FMN1: variants seen among roughly 807,000 people sequenced by gnomAD.
FMN1 encodes the protein formin-1.
In FMN1, 110 loss-of-function variants were observed where a neutral mutation model predicts 132.4. The observed-to-expected ratio is 0.83, with a 90% CI of 0.71 to 0.97. The LOEUF (loss-of-function observed/expected upper bound fraction) is 0.97. Ranked by LOEUF, FMN1 falls within the 50% of genes least tolerant of loss-of-function variation. FMN1 has a pLI of 0.00. For missense variants in FMN1, 1,792 were observed against 1,705.3 expected (o/e 1.05, Z -0.90); for synonymous variants, 722 against 651.7 (o/e 1.11, Z -1.64).
At chr15:32,803,541 G>A (rs971908612) in intron 18 of FMN1, among the ~76,000 whole-genome samples, 2 of 152,146 alleles carry the variant, frequency 1.3e-5, no homozygotes, top group African/African-American at 4.8e-5. Context: ...GATCTCTGAG[G>A]TGTTCCCCAA....
chr15:33,146,616 G>T (rs948022194), intron 4 of FMN1, among the ~76,000 whole-genome samples: 1 of 152,170 alleles, frequency 6.6e-6, no homozygotes, highest in Non-Finnish European at 1.5e-5. Context: ...CATGATAGGA[G>T]GCTGAGCTGC....
At chr15:32,780,466 G>A (rs185406180) in intron 19 of FMN1, among the ~76,000 whole-genome samples, 2 of 152,290 alleles carry the variant, frequency 1.3e-5, no homozygotes, top group East Asian at 3.9e-4. Flanking sequence ...AAAAAAGGGA[G>A]GCATGAATAA....
intron 4 of FMN1, among the ~76,000 whole-genome samples, chr15:33,138,132 G>C (rs1963851574): frequency 6.6e-6 from 1 of 152,172 alleles, no homozygotes; most frequent in Non-Finnish European, 1.5e-5. Context: ...AAGCACAACT[G>C]CCTGCTATGA....
intron 6 of FMN1, among the ~76,000 whole-genome samples, chr15:33,053,939 T>G (rs2037097925): frequency 6.6e-6 from 1 of 152,218 alleles, no homozygotes; most frequent in Non-Finnish European, 1.5e-5. Flanking sequence ...AATGTAGATT[T>G]CACTACGTAG....
chr15:33,067,312 A>G (rs2037784366), intron 5 of FMN1: 1 of 1,613,868 alleles, frequency 6.2e-7, no homozygotes, highest in African/African-American at 1.3e-5. Flanking sequence ...CCCCAGTGAC[A>G]GTATTTTCCC....
rs147769257 is a variant in FMN1, at chr15:32,804,287, T to C, written c.3974A>G (p.Gln1325Arg). ...CCAAATCAGAGCTGCTTACCTTTTCTGTGCATTCTCCAAGTGACTTTCTTC... is the reference window on the plus strand; with the variant it reads ...CCAAATCAGAGCTGCTTACCTTTTCCGTGCATTCTCCAAGTGACTTTCTTC... ...KMEESHLENAQKSFETTVRYF... is the reference protein window; with the variant it reads ...KMEESHLENARKSFETTVRYF... The change falls in exon 18 of 21, where the codon CAG (glutamine) becomes CGG (arginine). Residue 1325 changes from glutamine to arginine, a missense_variant. Gln to Arg is a conservative substitution (Grantham distance 43). This residue lies in a region of FMN1 where 1,150 missense variants were observed against 1,043.1 expected (regional missense o/e 1.10). Transcript: ENST00000616417. The C allele has an allele frequency of 1.4e-4, 216 of 1,567,998 alleles. No homozygotes were observed. The African/African-American group carries it at 2.7e-3, about 20-fold the overall frequency.
chr15:33,035,373 A>G (rs991786756), intron 6 of FMN1, among the ~76,000 whole-genome samples: 7 of 152,192 alleles, frequency 4.6e-5, no homozygotes, highest in Non-Finnish European at 1.0e-4. Flanking sequence ...TTTCCTATCT[A>G]CATTCGATAG....
Position 32,766,796 on chromosome 15 carries a change from A to AG in FMN1, c.*7513_*7514insC. 6.6e-6 allele frequency: 1 copy of AG among 152,332 alleles called. No homozygotes were observed. Among genetic ancestry groups the AG allele is most frequent in the Admixed American group, 6.5e-5 (1 of 15,294 alleles). 9.4% of individuals were successfully genotyped at this position (152,332 alleles called of 1,614,324 possible). A position where few individuals can be genotyped will look rare whatever the true frequency, so the allele number is the denominator to read the frequency against. On this transcript the variant is annotated 3_prime_UTR_variant, in exon 21 of 21. Coordinates refer to ENST00000616417, the MANE Select transcript of FMN1 (RefSeq NM_001277313.2). ...TGTCTATGATGCAGAGGTGTGAAAA[A>AG]ATCTGGGTCTGGGGGAAACTGTAAA...
chr15:33,084,126 G>A (rs1289205356), intron 5 of FMN1, among the ~76,000 whole-genome samples: 1 of 152,164 alleles, frequency 6.6e-6, no homozygotes, highest in East Asian at 1.9e-4. Flanking sequence ...GGTATATTCA[G>A]TCAAGCAGCC....
At chr15:33,095,231 C>T (rs1050547464) in intron 4 of FMN1, among the ~76,000 whole-genome samples, 2 of 151,950 alleles carry the variant, frequency 1.3e-5, no homozygotes, top group Admixed American at 1.3e-4. Context: ...GCCTGTAATC[C>T]CAGCTACTTG....
At chr15:33,117,799 C>G (rs547809713) in intron 4 of FMN1, among the ~76,000 whole-genome samples, 1 of 152,214 alleles carries the variant, frequency 6.6e-6, no homozygotes, top group East Asian at 1.9e-4. Flanking sequence ...ACCACTAGAG[C>G]AAACAATGGT....
intron 5 of FMN1, among the ~76,000 whole-genome samples, chr15:33,072,766 T>C (rs778702904): frequency 1.3e-4 from 19 of 151,870 alleles, no homozygotes; most frequent in Non-Finnish European, 2.2e-4. Flanking sequence ...CTACTAAAAA[T>C]ATAAAAATTA....
intron 7 of FMN1, among the ~76,000 whole-genome samples, chr15:33,000,348 C>T (rs1367822564): frequency 1.3e-5 from 2 of 150,330 alleles, no homozygotes; most frequent in Non-Finnish European, 2.9e-5. Context: ...ACTCGGGAGG[C>T]TGAGGCAGGA....
intron 4 of FMN1, among the ~76,000 whole-genome samples, chr15:33,126,880 CTG>C (rs1963132725): frequency 1.3e-5 from 2 of 152,184 alleles, no homozygotes; most frequent in South Asian, 2.1e-4. Flanking sequence ...CCATAAATAA[CTG>C]TGGCTGTATA....
intron 6 of FMN1, among the ~76,000 whole-genome samples, chr15:33,050,364 A>G (rs1442493009): frequency 2.0e-5 from 3 of 152,096 alleles, no homozygotes; most frequent in African/African-American, 4.8e-5. Context: ...GTTAGAGCCT[A>G]AGATTCCAAT....
chr15:33,175,691 G>A (rs1388651252), intron 3 of FMN1, among the ~76,000 whole-genome samples: 2 of 152,096 alleles, frequency 1.3e-5, no homozygotes, highest in Non-Finnish European at 2.9e-5. Flanking sequence ...TCAAAATTTA[G>A]TGCCCATTAA....
chr15:32,881,142 A>G lies in FMN1; in HGVS notation c.3835+7030T>C, dbSNP rs150674961. On this transcript the variant is annotated intron_variant, in intron 16 of 20. Transcript: ENST00000616417. Reference sequence around the variant, plus strand: ...GTAAAACAGATTTATACTATTATTAAAACATTAAAACTTTTTAGGCCTTTT... The same window carrying G: ...GTAAAACAGATTTATACTATTATTAGAACATTAAAACTTTTTAGGCCTTTT... 2.9e-3 allele frequency among the ~76,000 whole-genome samples: 439 copies of G among 152,278 alleles called. 4 individuals are homozygous for G. Among genetic ancestry groups the G allele is most frequent in the African/African-American group, 0.01 (416 of 41,548 alleles).
At chr15:32,875,979 T>C (rs548315383) in intron 16 of FMN1, among the ~76,000 whole-genome samples, 2 of 152,248 alleles carry the variant, frequency 1.3e-5, no homozygotes, top group South Asian at 4.2e-4. Context: ...AAGCTGCATA[T>C]GCCTGCCCTA....
intron 9 of FMN1, among the ~76,000 whole-genome samples, chr15:32,948,975 T>C (rs116599849): frequency 0.011 from 1,703 of 152,194 alleles, 30 homozygotes; most frequent in African/African-American, 0.039. Flanking sequence ...TTTGTATTTT[T>C]CTAGTTATTG....
Sources: allele counts gnomAD v4.1 joint callset (sites outside exome capture counted in the v4.1 genomes callset), GRCh38; gene constraint gnomAD v4.1.1; regional missense constraint gnomAD v4.1.1; transcripts MANE v1.5; gene names NCBI Gene and HGNC (gene_info 2026-07-23, HGNC 2026-07-21).